Variants in MAP3K7 observed in about 807,000 individuals in gnomAD.
MAP3K7 encodes TGF-beta activated kinase 1.
Under a neutral mutation model 84.8 loss-of-function variants are expected in MAP3K7, and 21 were observed. The ratio of observed to expected loss-of-function variants is 0.25; its 90% CI spans 0.18 to 0.36. MAP3K7 has a LOEUF of 0.36. Among genes scored for constraint, MAP3K7 ranks in the 10% least tolerant of loss-of-function variants. The pLI is 1.00. For synonymous variants in MAP3K7, 241 were observed against 247.7 expected, an observed-to-expected ratio of 0.97 and a Z score of 0.25; for missense variants, 503 against 747.7, an observed-to-expected ratio of 0.67 and a Z score of 3.82.
intron 2 of MAP3K7, 122 bp downstream of exon 2, chr6:90,571,575 G>A: frequency 4.0e-6 from 2 of 498,332 alleles, no homozygotes; most frequent in Non-Finnish European, 6.9e-6. Context: ...TGATTAAACC[G>A]AATTGCTGAT....
chr6:90,555,700 A>C (rs1776315393), intron 6 of MAP3K7, among the ~76,000 whole-genome samples: 1 of 152,214 alleles, frequency 6.6e-6, no homozygotes, highest in Non-Finnish European at 1.5e-5. Context: ...GAATTAGTGA[A>C]CACTGAATCA....
chr6:90,559,842 T>G (rs1206044609), intron 5 of MAP3K7, among the ~76,000 whole-genome samples: 3 of 152,172 alleles, frequency 2.0e-5, no homozygotes, highest in Non-Finnish European at 4.4e-5. Flanking sequence ...AGTATGCTAA[T>G]CTAAGGTAGA....
chr6:90,572,515 A>T (rs1317504812), intron 1 of MAP3K7, among the ~76,000 whole-genome samples: 2 of 152,044 alleles, frequency 1.3e-5, no homozygotes, highest in East Asian at 3.9e-4. Flanking sequence ...GAGGGTGAAA[A>T]TTAGAATTAA....
intron 11 of MAP3K7, among the ~76,000 whole-genome samples, chr6:90,545,558 G>A (rs1047085662): frequency 6.6e-6 from 1 of 152,002 alleles, no homozygotes; most frequent in African/African-American, 2.4e-5. Flanking sequence ...GGTATGTCCC[G>A]GTGAGTAGGG....
At chr6:90,555,931 C>T (rs1776323777) in intron 6 of MAP3K7, among the ~76,000 whole-genome samples, 1 of 152,188 alleles carries the variant, frequency 6.6e-6, no homozygotes, top group Non-Finnish European at 1.5e-5. Context: ...TGTTAAGATA[C>T]ATCATAGCCT....
chr6:90,546,772 A>G (rs1027501305), intron 11 of MAP3K7, among the ~76,000 whole-genome samples: 2 of 152,202 alleles, frequency 1.3e-5, no homozygotes, highest in African/African-American at 4.8e-5. Flanking sequence ...AAAATTAACC[A>G]CAACCAGCTT....
At chr6:90,528,167 C>A (rs1208106517) in intron 13 of MAP3K7, among the ~76,000 whole-genome samples, 2 of 13,720 alleles carry the variant, frequency 1.5e-4, no homozygotes, top group Admixed American at 4.9e-4. Flanking sequence ...CGTGAGCCAC[C>A]GCGCCCGGCC....
At chr6:90,576,493 C>T (rs1488064458) in intron 1 of MAP3K7, among the ~76,000 whole-genome samples, 2 of 150,256 alleles carry the variant, frequency 1.3e-5, no homozygotes, top group Non-Finnish European at 3.0e-5. Flanking sequence ...TAATATAAAG[C>T]TTTGCCCTAA....
At position 90,556,527 on chromosome 6, in the gene MAP3K7, C is replaced by CAGGTGCCAACA; in HGVS notation, c.579_580insTGTTGGCACCT (p.Ala194CysfsTer33). On this transcript the variant is annotated frameshift_variant, in exon 6 of 17. Transcript: ENST00000369329. LOFTEE classifies it high-confidence loss of function. ...TCAAAAACTTCAGGTGCCATCCAAG[C>CAGGTGCCAACA]AGCACTCCCCTTGTTATTGGTCATG... 6.2e-7 allele frequency: 1 copy of CAGGTGCCAACA among 1,613,152 alleles called. No individual in the cohort carries two copies. Among genetic ancestry groups the CAGGTGCCAACA allele is most frequent in the Non-Finnish European group, 8.5e-7 (1 of 1,179,654 alleles).
chr6:90,549,028 C>T (rs906787883), intron 9 of MAP3K7, among the ~76,000 whole-genome samples: 4 of 152,034 alleles, frequency 2.6e-5, no homozygotes, highest in Non-Finnish European at 4.4e-5. Flanking sequence ...AATGCAAATA[C>T]AGACTACGTA....
chr6:90,586,559 G>A (rs1420788186), intron 1 of MAP3K7, among the ~76,000 whole-genome samples: 1 of 152,086 alleles, frequency 6.6e-6, no homozygotes, highest in Non-Finnish European at 1.5e-5. Context: ...ACCCAAGAGA[G>A]GAAAAAAGGC....
rs759794639 is a variant in MAP3K7, at chr6:90,586,744, C to A, written c.120+20G>T. The A allele has an allele frequency of 2.6e-6, 4 of 1,567,300 alleles. No homozygotes were observed. The highest frequency in any genetic ancestry group is 3.8e-5 in the Admixed American group (2 of 52,670). On this transcript the variant is annotated intron_variant, in intron 1 of 16. Coordinates refer to ENST00000369329, the MANE Select transcript of MAP3K7 (RefSeq NM_145331.3). ...GCGGGGCAGGCCGGGACCGGCGTCT[C>A]CATGCCGGGCCTCGCTCACCTCTTC... is the stretch of plus-strand genomic sequence containing the variant.
At chr6:90,571,407 T>A (rs909936423) in intron 2 of MAP3K7, among the ~76,000 whole-genome samples, 1 of 152,136 alleles carries the variant, frequency 6.6e-6, no homozygotes, top group African/African-American at 2.4e-5. Context: ...TTTTCTATTT[T>A]AAAATTAAAA....
chr6:90,544,493 A>G lies in MAP3K7; in HGVS notation c.1291+59T>C, dbSNP rs980383632. ...TTGGAGCAAGAAGCATTTTACAAGT[A>G]CCAGGGATCATTATTCCGGTTCCAC... On this transcript the variant is annotated intron_variant, in intron 12 of 16. Transcript: ENST00000369329. The G allele has an allele frequency of 4.2e-5, 61 of 1,448,712 alleles. No individual in the cohort carries two copies. In the Middle Eastern group the frequency reaches 5.2e-4, roughly 12 times the overall value. The allele number at this position is 1,448,712 out of a possible 1,614,324, so 89.7% of individuals were successfully genotyped here.
intron 14 of MAP3K7, 139 bp from the exon 15 acceptor site, chr6:90,519,458 G>GA: frequency 1.6e-6 from 1 of 623,608 alleles, no homozygotes; most frequent in East Asian, 3.1e-5. Flanking sequence ...GGTAATTGAA[G>GA]AGTCTATTTC....
At chr6:90,545,659 T>C (rs533708125) in intron 11 of MAP3K7, among the ~76,000 whole-genome samples, 50 of 152,270 alleles carry the variant, frequency 3.3e-4, no homozygotes, top group African/African-American at 1.1e-3. Context: ...TGGTGACTTC[T>C]ACTCAACTTG....
At chr6:90,516,901 A>G (rs1774982004) in intron 16 of MAP3K7, among the ~76,000 whole-genome samples, 1 of 152,008 alleles carries the variant, frequency 6.6e-6, no homozygotes. Flanking sequence ...CTGTACTTGG[A>G]TAATTAGCGA....
chr6:90,581,632 C>T (rs1437911744), intron 1 of MAP3K7, among the ~76,000 whole-genome samples: 1 of 152,178 alleles, frequency 6.6e-6, no homozygotes, highest in East Asian at 1.9e-4. Context: ...AAATAATATG[C>T]TCATGCTATC....
At chr6:90,569,798 T>A (rs549047907) in intron 2 of MAP3K7, among the ~76,000 whole-genome samples, 15 of 152,184 alleles carry the variant, frequency 9.9e-5, no homozygotes, top group Admixed American at 5.2e-4. Flanking sequence ...TATTAATGCA[T>A]CCCGCTCCAC....
Sources: allele counts gnomAD v4.1 joint callset (sites outside exome capture counted in the v4.1 genomes callset), GRCh38; gene constraint gnomAD v4.1.1; transcripts MANE v1.5; gene names NCBI Gene and HGNC (gene_info 2026-07-23, HGNC 2026-07-21).